The following CDKN2B-AS1 variants were observed in gnomAD, a reference collection of about 807,000 sequenced individuals.
CDKN2B-AS1 encodes CDKN2B antisense RNA 1 (non-protein coding).
At chr9:22,033,457 C>A (rs1822559144) in intron 1 of CDKN2B-AS1, among the ~76,000 whole-genome samples, 1 of 152,026 alleles carries the variant, frequency 6.6e-6, no homozygotes, top group South Asian at 2.1e-4. Flanking sequence ...AAATGAGTCA[C>A]ACTATAAAAA....
intron 4 of CDKN2B-AS1, among the ~76,000 whole-genome samples, chr9:22,111,461 G>A (rs1825802743): frequency 6.6e-6 from 1 of 152,158 alleles, no homozygotes; most frequent in Non-Finnish European, 1.5e-5. Flanking sequence ...CACATATTAT[G>A]ATTCTATTTG....
At chr9:22,009,294 C>T (rs1821373277) in intron 1 of CDKN2B-AS1, 1 of 461,138 alleles carries the variant, frequency 2.2e-6, no homozygotes, top group South Asian at 2.5e-5. Flanking sequence ...CCCCGCCTCG[C>T]TCTGGCAGAG....
chr9:22,009,253 A>C, intron 1 of CDKN2B-AS1: 1 of 546,420 alleles, frequency 1.8e-6, no homozygotes, highest in Non-Finnish European at 3.3e-6. Context: ...CTCTGGCCGC[A>C]GGGTGCGGAC....
In CDKN2B-AS1 at chr9:22,005,569, C is replaced by G; in HGVS notation, n.29+10408C>G. On this transcript the variant is annotated intron_variant and non_coding_transcript_variant, in intron 1 of 4. Transcript: ENST00000650946. The surrounding 1 kb of genome is among the most constrained non-coding windows in gnomAD (Gnocchi z 4.9). ...TCAGCAGACATTGGAGTGAACGCAT[C>G]GACTGCCGTCACCCAAGTGCTAATC... is the stretch of plus-strand genomic sequence containing the variant. 2.5e-6 allele frequency: 1 copy of G among 397,546 alleles called. No homozygotes were observed. Among genetic ancestry groups the G allele is most frequent in the Non-Finnish European group, 4.7e-6 (1 of 214,190 alleles). 24.6% of individuals were successfully genotyped at this position (397,546 alleles called of 1,614,324 possible). A position where few individuals can be genotyped will look rare whatever the true frequency, so the allele number is the denominator to read the frequency against.
chr9:22,052,008 A>G (rs1393884579), intron 3 of CDKN2B-AS1, among the ~76,000 whole-genome samples: 1 of 152,176 alleles, frequency 6.6e-6, no homozygotes, highest in Non-Finnish European at 1.5e-5. Flanking sequence ...AGGTTAAATC[A>G]TGACTGTGGT....
chr9:22,044,560 T>C (rs899170758), intron 1 of CDKN2B-AS1, among the ~76,000 whole-genome samples: 1 of 152,042 alleles, frequency 6.6e-6, no homozygotes, highest in Non-Finnish European at 1.5e-5. Context: ...TTAATATTCT[T>C]TGGTGTGAAG....
At chr9:22,060,686 A>G (rs577178667) in intron 4 of CDKN2B-AS1, among the ~76,000 whole-genome samples, 1 of 152,342 alleles carries the variant, frequency 6.6e-6, no homozygotes, top group South Asian at 2.1e-4. Flanking sequence ...CTGCTGATAA[A>G]GACATACCTG....
chr9:22,086,299 G>C (rs1196725134), intron 4 of CDKN2B-AS1, among the ~76,000 whole-genome samples: 1 of 152,090 alleles, frequency 6.6e-6, no homozygotes, highest in Non-Finnish European at 1.5e-5. Context: ...GCTCCTTTTG[G>C]AGTAGAGAAT....
intron 1 of CDKN2B-AS1, among the ~76,000 whole-genome samples, chr9:22,013,593 A>G (rs1425780739): frequency 6.6e-6 from 1 of 152,146 alleles, no homozygotes; most frequent in African/African-American, 2.4e-5. Flanking sequence ...ATGGGACTAC[A>G]GGTGTTGGCC....
chr9:22,004,468 G>A (rs1160924809), intron 1 of CDKN2B-AS1: 1 of 232,568 alleles, frequency 4.3e-6, no homozygotes, highest in Non-Finnish European at 8.5e-6. Context: ...TACAAACATT[G>A]AGAGAAGGGA....
At chr9:22,051,011 G>C (rs527969461) in intron 3 of CDKN2B-AS1, among the ~76,000 whole-genome samples, 1 of 152,240 alleles carries the variant, frequency 6.6e-6, no homozygotes, top group African/African-American at 2.4e-5. Context: ...TTGAGTTAAT[G>C]ACACAAGGAA....
intron 1 of CDKN2B-AS1, chr9:22,009,094 G>T (rs1439924218): frequency 1.5e-6 from 2 of 1,306,512 alleles, no homozygotes; most frequent in African/African-American, 1.5e-5. Context: ...TTACCCTCCC[G>T]TCGTCCTTCT....
intron 1 of CDKN2B-AS1, among the ~76,000 whole-genome samples, chr9:22,037,138 G>A (rs564159158): frequency 1.3e-5 from 2 of 152,130 alleles, no homozygotes; most frequent in African/African-American, 4.8e-5. Flanking sequence ...ATGGGGCCTG[G>A]CCTAAAGTGG....
intron 1 of CDKN2B-AS1, among the ~76,000 whole-genome samples, chr9:22,013,352 C>G (rs1821596241): frequency 6.6e-6 from 1 of 152,150 alleles, no homozygotes. Flanking sequence ...TCTTTTTAAA[C>G]TGTTATTAAT....
chr9:22,114,450 GA>G (rs1825890127), intron 4 of CDKN2B-AS1, among the ~76,000 whole-genome samples: 1 of 152,190 alleles, frequency 6.6e-6, no homozygotes, highest in Non-Finnish European at 1.5e-5. Flanking sequence ...GAGGTACATA[GA>G]GGAGCCTGGG....
At chr9:22,066,814 C>T (rs1205087037) in intron 4 of CDKN2B-AS1, among the ~76,000 whole-genome samples, 2 of 151,870 alleles carry the variant, frequency 1.3e-5, no homozygotes, top group Non-Finnish European at 2.9e-5. Flanking sequence ...TGGAACCAAC[C>T]CAAATGTCCA....
At chr9:22,065,709 G>A (rs916759377) in intron 4 of CDKN2B-AS1, 1 of 152,166 alleles carries the variant, frequency 6.6e-6, no homozygotes, top group Non-Finnish European at 1.5e-5. Context: ...ATCCCTTGGA[G>A]TAATGAGCTA....
chr9:22,029,297 C>T (rs529267370), intron 1 of CDKN2B-AS1: 23 of 630,254 alleles, frequency 3.6e-5, no homozygotes, highest in South Asian at 8.4e-5. Flanking sequence ...AAGCTATTAC[C>T]GTCTTTATCA....
intron 1 of CDKN2B-AS1, among the ~76,000 whole-genome samples, chr9:22,045,302 C>T (rs530301520): frequency 6.6e-6 from 1 of 151,884 alleles, no homozygotes; most frequent in South Asian, 2.1e-4. Flanking sequence ...ATGAAATAAT[C>T]ACTGTTTTGA....
Sources: gnomAD v4.1 joint callset for allele counts (sites outside exome capture counted in the v4.1 genomes callset) on GRCh38, gnomAD v4.1.1 for gene constraint, Gnocchi (gnomAD v3.1) non-coding constraint, MANE v1.5 for transcripts, NCBI Gene and HGNC (gene_info 2026-07-23, HGNC 2026-07-21) for gene names.